The following HOPX variants were observed in gnomAD, a reference collection of about 807,000 sequenced individuals.
HOPX encodes homeodomain-only protein.
HOPX carries 5 observed loss-of-function variants against 11.8 expected under a neutral mutation model. The ratio of observed to expected loss-of-function variants is 0.43; its 90% CI spans 0.22 to 0.89. HOPX has a LOEUF of 0.89. Among genes scored for constraint, HOPX ranks in the 40% least tolerant of loss-of-function variants. The probability of loss-of-function intolerance (pLI) is 0.28; values close to 1 mark genes in which losing one functional copy is unlikely to be tolerated. For synonymous variants in HOPX, 49 were observed against 49.7 expected, an observed-to-expected ratio of 0.99 and a Z score of 0.06; for missense variants, 119 against 120.0, an observed-to-expected ratio of 0.99 and a Z score of 0.04.
At chr4:56,661,931 A>G (rs1217178132) in intron 1 of HOPX, among the ~76,000 whole-genome samples, 2 of 152,166 alleles carry the variant, frequency 1.3e-5, no homozygotes, top group East Asian at 1.9e-4. Flanking sequence ...TAAAAACGTT[A>G]CCATTTTCTC....
intron 1 of HOPX, among the ~76,000 whole-genome samples, chr4:56,661,241 C>T (rs1398871914): frequency 6.6e-6 from 1 of 152,166 alleles, no homozygotes; most frequent in Non-Finnish European, 1.5e-5. Context: ...GCTTTTTTCA[C>T]TCAACAGTGT....
rs545211503 is a variant in HOPX at position 56,665,345 on chromosome 4, A to G, written c.-83-7446T>C. 98 of 152,312 alleles carry G rather than the reference A, an allele frequency of 6.4e-4. 1 individual carries two copies. The highest frequency in any genetic ancestry group is 2.1e-3 in the African/African-American group (88 of 41,572). 9.4% of individuals were successfully genotyped at this position (152,312 alleles called of 1,614,324 possible). ...ATGGGGGATGTGTCATTTCTCATACATTTAAATCTCCCCAGTGTTCATTAG... is the reference window on the plus strand; with the variant it reads ...ATGGGGGATGTGTCATTTCTCATACGTTTAAATCTCCCCAGTGTTCATTAG... On this transcript the variant is annotated intron_variant, in intron 1 of 3. Transcript: ENST00000420433.
intron 1 of HOPX, among the ~76,000 whole-genome samples, chr4:56,674,657 T>A (rs1469919681): frequency 6.6e-6 from 1 of 151,686 alleles, no homozygotes; most frequent in Non-Finnish European, 1.5e-5. Context: ...GGCACTGTTT[T>A]CATGTTTGGT....
At chr4:56,671,550 A>G (rs984112945) in intron 1 of HOPX, among the ~76,000 whole-genome samples, 1 of 152,074 alleles carries the variant, frequency 6.6e-6, no homozygotes, top group Non-Finnish European at 1.5e-5. Flanking sequence ...CCAAAGTCCA[A>G]CCACCCATGC....
At chr4:56,663,277 G>A (rs752580047) in intron 1 of HOPX, 1 of 152,172 alleles carries the variant, frequency 6.6e-6, no homozygotes, top group Non-Finnish European at 1.5e-5. Context: ...GAGGCAGGAA[G>A]ACTGAGATGA....
At chr4:56,670,041 A>G (rs1718654417) in intron 1 of HOPX, among the ~76,000 whole-genome samples, 1 of 152,196 alleles carries the variant, frequency 6.6e-6, no homozygotes, top group South Asian at 2.1e-4. Flanking sequence ...AATATGTAGG[A>G]TAGGAATCTG....
intron 2 of HOPX, 112 bp from the exon 3 acceptor site, chr4:56,656,124 C>A (rs1417145078): frequency 8.0e-7 from 1 of 1,245,482 alleles, no homozygotes; most frequent in Non-Finnish European, 1.0e-6. Context: ...GCCGCCCCCT[C>A]CAGCGGTGCC....
intron 1 of HOPX, among the ~76,000 whole-genome samples, chr4:56,660,602 C>T (rs1042148007): frequency 2.0e-5 from 3 of 152,036 alleles, no homozygotes; most frequent in Admixed American, 6.5e-5. Flanking sequence ...TGTCCTCAAT[C>T]GGACCAGTTG....
chr4:56,677,782 T>C (rs1444141031), intron 1 of HOPX, among the ~76,000 whole-genome samples: 1 of 151,454 alleles, frequency 6.6e-6, no homozygotes, highest in African/African-American at 2.5e-5. Context: ...CCACTCATGC[T>C]TTTGCCTGGG....
Position 56,655,986 on chromosome 4 carries a change from G to A in HOPX, c.69C>T (p.Thr23=), listed in dbSNP as rs11555051. 2.5e-6 allele frequency: 4 copies of A among 1,606,816 alleles called. No homozygotes were observed. The Admixed American group carries it at 6.7e-5, about 27-fold the overall frequency. Residue 23 remains threonine, a synonymous_variant, in exon 3 of 4, where the codon ACC becomes ACT. Coordinates refer to ENST00000420433, the MANE Select transcript of HOPX (RefSeq NM_032495.6). The part of the protein sequence containing the change: ...EERAGTMSAE[T]ASGPTEDQVE... ...CCTGGTCCTCTGTGGGGCCGCTCGC[G>A]GTCTCCGCCGACATGGTCCCTGCGC...
intron 1 of HOPX, among the ~76,000 whole-genome samples, chr4:56,673,663 T>C (rs1718856055): frequency 6.6e-6 from 1 of 152,220 alleles, no homozygotes; most frequent in African/African-American, 2.4e-5. Context: ...TAGCCTTCTC[T>C]TGTCCAAGCT....
chr4:56,664,567 A>C (rs1162508311), intron 1 of HOPX: 1 of 152,016 alleles, frequency 6.6e-6, no homozygotes, highest in Non-Finnish European at 1.5e-5. Flanking sequence ...ACGGTAAAGC[A>C]CAATGGTTGA....
chr4:56,669,324 T>C (rs1298339161), intron 1 of HOPX, among the ~76,000 whole-genome samples: 1 of 152,156 alleles, frequency 6.6e-6, no homozygotes, highest in African/African-American at 2.4e-5. Flanking sequence ...TTCTTAGTAT[T>C]CAACCTGGCT....
chr4:56,671,852 C>T (rs1164850645), intron 1 of HOPX, among the ~76,000 whole-genome samples: 2 of 152,164 alleles, frequency 1.3e-5, no homozygotes, highest in Non-Finnish European at 2.9e-5. Context: ...CACATAGTCT[C>T]CAGGTAACTT....
upstream of HOPX, chr4:56,681,553 G>A: frequency 1.0e-6 from 1 of 1,000,148 alleles, no homozygotes; most frequent in South Asian, 4.7e-5. Flanking sequence ...CTCTCTCCTA[G>A]CCAAGCAAGC....
chr4:56,663,869 C>G (rs1718288582), intron 1 of HOPX: 1 of 152,162 alleles, frequency 6.6e-6, no homozygotes, highest in African/African-American at 2.4e-5. Context: ...TGGCTTTCCT[C>G]TTGCCTTAGG....
chr4:56,671,133 G>A (rs1034147736), intron 1 of HOPX, among the ~76,000 whole-genome samples: 16 of 152,034 alleles, frequency 1.1e-4, no homozygotes, highest in African/African-American at 3.9e-4. Flanking sequence ...TCTGAAAAGA[G>A]CTGTTCATTT....
At chr4:56,651,955 C>T (rs36104107) in intron 3 of HOPX, among the ~76,000 whole-genome samples, 5 of 150,978 alleles carry the variant, frequency 3.3e-5, no homozygotes, top group South Asian at 4.2e-4. Context: ...CAACCTCCCA[C>T]GGGGCTGAGG....
chr4:56,655,415 C>A (rs963318226), intron 3 of HOPX, among the ~76,000 whole-genome samples: 7 of 152,160 alleles, frequency 4.6e-5, no homozygotes, highest in African/African-American at 1.7e-4. Flanking sequence ...GTCTCTGGGG[C>A]GCCTTCCAGC....
Sources: allele counts gnomAD v4.1 joint callset (sites outside exome capture counted in the v4.1 genomes callset), GRCh38; gene constraint gnomAD v4.1.1; transcripts MANE v1.5; gene names NCBI Gene and HGNC (gene_info 2026-07-23, HGNC 2026-07-21).